ADGRL2: variants seen among roughly 807,000 people sequenced by gnomAD.
ADGRL2 encodes adhesion G protein-coupled receptor L2.
In ADGRL2, 44 loss-of-function variants were observed where a neutral mutation model predicts 157.4. That is an observed-to-expected ratio of 0.28 (90% CI 0.22 to 0.36). The LOEUF (loss-of-function observed/expected upper bound fraction) is 0.36, where lower values mean the gene tolerates loss of function less well. Ranked by LOEUF, ADGRL2 falls within the 10% of genes least tolerant of loss-of-function variation. The pLI is 1.00. For synonymous variants in ADGRL2, 585 were observed against 624.7 expected, an observed-to-expected ratio of 0.94 and a Z score of 0.95; for missense variants, 1,510 against 1,768.9, an observed-to-expected ratio of 0.85 and a Z score of 2.63.
At position 81,705,145 on chromosome 1, in the gene ADGRL2, C is replaced by A. The variant is rs187948663; in HGVS notation, c.-143+5337C>A. On this transcript the variant is annotated intron_variant, in intron 1 of 20. Coordinates refer to the ADGRL2 transcript ENST00000359929. ...TCGGCTCACTGCAACCTCCACCTCT[C>A]GGGTTCAAGCAGTTCTCTGCCTCAT... Among the ~76,000 whole-genome samples the A allele has an allele frequency of 2.0e-5, 3 of 152,232 alleles. No homozygotes were observed. The East Asian group carries it at 5.8e-4, about 29-fold the overall frequency.
chr1:81,654,148 G>A (rs953900659), intron 3 of ADGRL2, among the ~76,000 whole-genome samples: 8 of 152,044 alleles, frequency 5.3e-5, no homozygotes, highest in Admixed American at 3.3e-4. Context: ...ATTTCACCAC[G>A]TTGGCCAGGC....
intron 2 of ADGRL2, among the ~76,000 whole-genome samples, chr1:81,451,944 T>C (rs1438619017): frequency 1.3e-5 from 2 of 152,226 alleles, no homozygotes; most frequent in Non-Finnish European, 2.9e-5. Context: ...AAAACTATTT[T>C]GTATCCATAT....
At chr1:81,715,055 T>C (rs2084064686) in intron 1 of ADGRL2, among the ~76,000 whole-genome samples, 1 of 152,032 alleles carries the variant, frequency 6.6e-6, no homozygotes, top group South Asian at 2.1e-4. Context: ...TACTCCTCAG[T>C]AGATTTACAT....
At chr1:81,318,833 T>G (rs545062035) in intron 1 of ADGRL2, among the ~76,000 whole-genome samples, 2 of 152,086 alleles carry the variant, frequency 1.3e-5, no homozygotes, top group South Asian at 4.2e-4. Flanking sequence ...AATGACTCCT[T>G]TCTTCAACTA....
intron 1 of ADGRL2, among the ~76,000 whole-genome samples, chr1:81,388,167 C>T (rs1018773838): frequency 2.6e-5 from 4 of 152,088 alleles, no homozygotes; most frequent in African/African-American, 9.7e-5. Flanking sequence ...ACTGATAATT[C>T]CAATATCCAA....
chr1:81,593,553 A>G (rs575564718), intron 3 of ADGRL2, among the ~76,000 whole-genome samples: 1 of 152,116 alleles, frequency 6.6e-6, no homozygotes, highest in Non-Finnish European at 1.5e-5. Context: ...ATTTGTGATC[A>G]CTCACTTATC....
chr1:81,336,150 TA>T (rs922177268), intron 1 of ADGRL2, among the ~76,000 whole-genome samples: 2 of 152,232 alleles, frequency 1.3e-5, no homozygotes, highest in African/African-American at 4.8e-5. Context: ...GATTCTCCTC[TA>T]CTATGCCAGC....
At chr1:81,608,032 G>A (rs748114962) in intron 3 of ADGRL2, among the ~76,000 whole-genome samples, 5 of 152,192 alleles carry the variant, frequency 3.3e-5, no homozygotes, top group Admixed American at 6.5e-5. Context: ...AGGAAGCATT[G>A]TGCATGTGTG....
At chr1:81,489,234 C>T (rs936153069) in intron 2 of ADGRL2, among the ~76,000 whole-genome samples, 4 of 132,204 alleles carry the variant, frequency 3.0e-5, no homozygotes, top group African/African-American at 1.3e-4. Context: ...GAGACTCTGT[C>T]TCAAAAAAAA....
intron 1 of ADGRL2, among the ~76,000 whole-genome samples, chr1:81,733,811 C>T (rs2084806050): frequency 6.6e-6 from 1 of 152,118 alleles, no homozygotes; most frequent in South Asian, 2.1e-4. Context: ...AAGAAGGTAA[C>T]TGCAGACACT....
chr1:81,824,948 CCTCTCTCTCTCT>C (rs3046312), intron 1 of ADGRL2, among the ~76,000 whole-genome samples: 15 of 127,904 alleles, frequency 1.2e-4, no homozygotes, highest in Admixed American at 3.9e-4. Flanking sequence ...TTTTAATTCT[CCTCTCTCTCTCT>C]CTCTCTCTCT....
At chr1:81,839,871 TCA>T (rs2092473161) in intron 2 of ADGRL2, among the ~76,000 whole-genome samples, 1 of 141,680 alleles carries the variant, frequency 7.1e-6, no homozygotes, top group Admixed American at 7.2e-5. Context: ...ATATTTTCCA[TCA>T]TATATATATA....
At chr1:81,657,660 G>C (rs2082564888) in intron 3 of ADGRL2, among the ~76,000 whole-genome samples, 1 of 152,000 alleles carries the variant, frequency 6.6e-6, no homozygotes, top group African/African-American at 2.4e-5. Flanking sequence ...GTTTTTAGAA[G>C]TATTACTATG....
intron 1 of ADGRL2, among the ~76,000 whole-genome samples, chr1:81,363,920 G>C (rs939173308): frequency 2.6e-5 from 4 of 152,122 alleles, no homozygotes; most frequent in Non-Finnish European, 5.9e-5. Context: ...TCTACTGTAT[G>C]AATGTGTTCC....
chr1:81,312,770 A>G (rs1221627150), intron 1 of ADGRL2, among the ~76,000 whole-genome samples: 1 of 152,186 alleles, frequency 6.6e-6, no homozygotes, highest in African/African-American at 2.4e-5. Context: ...GACTGTGGAT[A>G]TGTATTTCTA....
chr1:81,442,508 G>A (rs1193949217), intron 1 of ADGRL2, among the ~76,000 whole-genome samples: 2 of 152,144 alleles, frequency 1.3e-5, no homozygotes, highest in African/African-American at 4.8e-5. Flanking sequence ...TTCAACCATA[G>A]CCTAAGATTT....
chr1:81,444,548 T>G (rs1557693873), intron 1 of ADGRL2, among the ~76,000 whole-genome samples: 1 of 152,188 alleles, frequency 6.6e-6, no homozygotes. Context: ...TTCCTAACGG[T>G]CAAAGTTTGG....
intron 3 of ADGRL2, among the ~76,000 whole-genome samples, chr1:81,681,881 T>C (rs2148956667): frequency 6.6e-6 from 1 of 152,310 alleles, no homozygotes; most frequent in Non-Finnish European, 1.5e-5. Flanking sequence ...TGGAGTACAT[T>C]TGACCTACAG....
intron 2 of ADGRL2, among the ~76,000 whole-genome samples, chr1:81,451,851 A>T: frequency 6.6e-6 from 1 of 152,336 alleles, no homozygotes; most frequent in Non-Finnish European, 1.5e-5. Context: ...TTAGAAAAAT[A>T]TATGAATATT....
Sources: allele counts gnomAD v4.1 joint callset (sites outside exome capture counted in the v4.1 genomes callset), GRCh38; gene constraint gnomAD v4.1.1; transcripts MANE v1.5; gene names NCBI Gene and HGNC (gene_info 2026-07-23, HGNC 2026-07-21).